The following RNF38 variants were observed in gnomAD, a reference collection of about 807,000 sequenced individuals.
RNF38 encodes the protein ring finger protein 38.
In RNF38, 15 loss-of-function variants were observed where a neutral mutation model predicts 67.2. That is an observed-to-expected ratio of 0.22 (90% CI 0.15 to 0.34). The LOEUF (loss-of-function observed/expected upper bound fraction) is 0.34. Among genes scored for constraint, RNF38 ranks in the 10% least tolerant of loss-of-function variants. RNF38 has a pLI of 1.00. For missense variants in RNF38, 524 were observed against 639.9 expected (o/e 0.82, Z 1.95); for synonymous variants, 220 against 218.8 (o/e 1.01, Z -0.05).
At chr9:36,433,635 T>C (rs1209749815) in intron 1 of RNF38, among the ~76,000 whole-genome samples, 2 of 144,238 alleles carry the variant, frequency 1.4e-5, no homozygotes, top group Non-Finnish European at 3.0e-5. Context: ...TGTAGTAAGC[T>C]GAGACTGTGC....
chr9:36,432,165 C>A (rs1838946641), intron 1 of RNF38, among the ~76,000 whole-genome samples: 1 of 151,092 alleles, frequency 6.6e-6, no homozygotes, highest in Non-Finnish European at 1.5e-5. Context: ...GACAGAGTCT[C>A]ACTCTATTGC....
At chr9:36,377,231 T>C (rs1293535024) in intron 2 of RNF38, among the ~76,000 whole-genome samples, 1 of 152,196 alleles carries the variant, frequency 6.6e-6, no homozygotes, top group Non-Finnish European at 1.5e-5. Flanking sequence ...TAATAGAACG[T>C]CTATCTCCAA....
At chr9:36,342,464 T>C in intron 10 of RNF38, 40 bp from the exon 11 acceptor site, 1 of 1,279,744 alleles carries the variant, frequency 7.8e-7, no homozygotes. Flanking sequence ...CAAAACCAGA[T>C]GGTTTTCTAT....
intron 1 of RNF38, among the ~76,000 whole-genome samples, chr9:36,439,954 T>C (rs1257386963): frequency 1.3e-5 from 2 of 152,068 alleles, no homozygotes; most frequent in Non-Finnish European, 2.9e-5. Flanking sequence ...GCCTTAAAGT[T>C]ACTGACATGG....
At chr9:36,455,144 C>T (rs1401619018) in intron 1 of RNF38, among the ~76,000 whole-genome samples, 1 of 152,014 alleles carries the variant, frequency 6.6e-6, no homozygotes, top group African/African-American at 2.4e-5. Flanking sequence ...ACTGCAACCC[C>T]CGCCTCCCAG....
chr9:36,474,205 C>T (rs914637841), intron 1 of RNF38, among the ~76,000 whole-genome samples: 2 of 149,842 alleles, frequency 1.3e-5, no homozygotes, highest in Admixed American at 6.7e-5. Context: ...CCCAGCTACT[C>T]GGGAGGCTAA....
At chr9:36,471,352 T>C (rs1290000081) in intron 1 of RNF38, among the ~76,000 whole-genome samples, 1 of 152,240 alleles carries the variant, frequency 6.6e-6, no homozygotes, top group African/African-American at 2.4e-5. Context: ...AGCCTTGTGT[T>C]TTTAATCACA....
intron 1 of RNF38, among the ~76,000 whole-genome samples, chr9:36,466,072 A>T (rs1839856288): frequency 6.6e-6 from 1 of 152,206 alleles, no homozygotes; most frequent in Admixed American, 6.6e-5. Context: ...AAAAAAAAGT[A>T]ACAAAGTGCT....
chr9:36,340,585 T>G (rs1431601043), intron 11 of RNF38, among the ~76,000 whole-genome samples: 1 of 152,214 alleles, frequency 6.6e-6, no homozygotes, highest in East Asian at 1.9e-4. Context: ...TTGCCCAGGC[T>G]GGTCTCAAAC....
At chr9:36,406,559 T>G (rs899592559) in intron 2 of RNF38, among the ~76,000 whole-genome samples, 4 of 152,230 alleles carry the variant, frequency 2.6e-5, no homozygotes, top group Non-Finnish European at 4.4e-5. Context: ...GCCCAATAAA[T>G]AGTAAACTTC....
intron 2 of RNF38, among the ~76,000 whole-genome samples, chr9:36,389,655 A>C (rs529862465): frequency 4.5e-4 from 69 of 152,334 alleles, no homozygotes; most frequent in African/African-American, 1.5e-3. Flanking sequence ...CTATCCCTCC[A>C]AATTTTTTAT....
In RNF38 at chr9:36,337,237, G is replaced by T. The variant is rs995925349; in HGVS notation, c.*2515C>A. On this transcript the variant is annotated 3_prime_UTR_variant, in exon 12 of 12. Transcript: ENST00000259605. Reference sequence around the variant, plus strand: ...CCTGAGCTGGTCAGAACACCTGTGTGTGTGTTCCTGATACACACTAACCAC... The same window carrying T: ...CCTGAGCTGGTCAGAACACCTGTGTTTGTGTTCCTGATACACACTAACCAC... The T allele has an allele frequency of 6.6e-6, 1 of 152,250 alleles. No individual in the cohort carries two copies. The highest frequency in any genetic ancestry group is 6.5e-5 in the Admixed American group (1 of 15,284). 9.4% of individuals were successfully genotyped at this position (152,250 alleles called of 1,614,324 possible). A position where few individuals can be genotyped will look rare whatever the true frequency, so the allele number is the denominator to read the frequency against.
At chr9:36,486,338 G>C (rs1840410637) in intron 1 of RNF38, among the ~76,000 whole-genome samples, 1 of 151,880 alleles carries the variant, frequency 6.6e-6, no homozygotes, top group Admixed American at 6.6e-5. Flanking sequence ...GGGTGACTCG[G>C]TCCCAATCCT....
chr9:36,427,003 C>T (rs1236840113), intron 1 of RNF38, among the ~76,000 whole-genome samples: 1 of 152,248 alleles, frequency 6.6e-6, no homozygotes, highest in Non-Finnish European at 1.5e-5. Flanking sequence ...CTTCTATTCA[C>T]ATCAAGGCTG....
In RNF38 at chr9:36,356,750, G is replaced by C. The variant is rs888323143; in HGVS notation, c.739-277C>G. Reference sequence around the variant, plus strand: ...TGAAAAAGGGTTGGGGCGGGTGTGGGGGGGGCGGGGGGGAAGTGCTGCAAA... The same window carrying C: ...TGAAAAAGGGTTGGGGCGGGTGTGGCGGGGGCGGGGGGGAAGTGCTGCAAA... On this transcript the variant is annotated intron_variant, in intron 5 of 11. Transcript: ENST00000259605. Among the ~76,000 whole-genome samples the C allele has an allele frequency of 4.0e-5, 6 of 150,062 alleles. No homozygotes were observed. The South Asian group carries it at 8.6e-4, about 22-fold the overall frequency.
At position 36,357,880 on chromosome 9, in the gene RNF38, T is replaced by C; in HGVS notation, c.633A>G (p.Pro211=). 1 of 1,614,046 alleles carries C rather than the reference T, an allele frequency of 6.2e-7. No homozygotes were observed. The part of the protein sequence containing the change: ...TVTTVAPHGI[P]LCTGQHIPAC... The stretch of plus-strand genomic sequence containing the variant: ...CAGGGATGTGCTGGCCTGTGCAGAG[T>C]GGAATCCCATGTGGTGCCACTGTTG... Residue 211 remains proline (P), a synonymous_variant, in exon 5 of 12, where the codon CCA becomes CCG. Coordinates refer to ENST00000259605, the MANE Select transcript of RNF38 (RefSeq NM_022781.5).
In RNF38 at chr9:36,356,550, T is replaced by A; in HGVS notation, c.739-77A>T. 2.4e-6 allele frequency: 3 copies of A among 1,227,022 alleles called. No individual in the cohort carries two copies. The South Asian group carries it at 4.9e-5, about 20-fold the overall frequency. 76.0% of individuals were successfully genotyped at this position (1,227,022 alleles called of 1,614,324 possible). Reference sequence around the variant, plus strand: ...ATTTAAAAGGATAGTGAGATTAAAATCTGTCATTGTCACACCTCTCCCAAA... The same window carrying A: ...ATTTAAAAGGATAGTGAGATTAAAAACTGTCATTGTCACACCTCTCCCAAA... On this transcript the variant is annotated intron_variant, in intron 5 of 11. Coordinates refer to ENST00000259605, the MANE Select transcript of RNF38 (RefSeq NM_022781.5).
chr9:36,467,430 G>A (rs1839889763), intron 1 of RNF38, among the ~76,000 whole-genome samples: 2 of 151,856 alleles, frequency 1.3e-5, no homozygotes, highest in African/African-American at 4.8e-5. Flanking sequence ...TGCAGCAAGA[G>A]AAAACAGCCC....
At chr9:36,433,063 G>A (rs746057317) in intron 1 of RNF38, among the ~76,000 whole-genome samples, 69 of 151,472 alleles carry the variant, frequency 4.6e-4, no homozygotes, top group Non-Finnish European at 7.7e-4. Flanking sequence ...GTGATTTCTA[G>A]TATAGAGAAA....
Sources: gnomAD v4.1 joint callset for allele counts (sites outside exome capture counted in the v4.1 genomes callset) on GRCh38, gnomAD v4.1.1 for gene constraint, MANE v1.5 for transcripts, NCBI Gene and HGNC (gene_info 2026-07-23, HGNC 2026-07-21) for gene names.